Variants in DAB1 observed in about 807,000 individuals in gnomAD.
DAB1 encodes disabled homolog 1.
DAB1 carries 15 observed loss-of-function variants against 64.6 expected under a neutral mutation model. The observed-to-expected ratio is 0.23, with a 90% CI of 0.16 to 0.36. The LOEUF is 0.36. Among genes scored for constraint, DAB1 ranks in the 10% least tolerant of loss-of-function variants. The pLI, the probability that DAB1 is intolerant of heterozygous loss-of-function variation, is 1.00. For synonymous variants in DAB1, 235 were observed against 251.9 expected, an observed-to-expected ratio of 0.93 and a Z score of 0.64; for missense variants, 596 against 706.7, an observed-to-expected ratio of 0.84 and a Z score of 1.78.
intron 1 of DAB1, among the ~76,000 whole-genome samples, chr1:57,848,250 A>C (rs1187905990): frequency 6.6e-6 from 1 of 152,240 alleles, no homozygotes; most frequent in Admixed American, 6.5e-5. Context: ...TTCCGAACAC[A>C]ATGTAGTGAA....
Position 57,183,992 on chromosome 1 carries a change from CAG to C in DAB1, c.68-38565_68-38564del, listed in dbSNP as rs920599160. Among the ~76,000 whole-genome samples, 119 of 152,174 alleles carry C rather than the reference CAG, an allele frequency of 7.8e-4. 1 individual carries two copies. The highest frequency in any genetic ancestry group is 2.8e-3 in the African/African-American group (117 of 41,540). Reference sequence around the variant, plus strand: ...GTTGGGGAGGGGACTTAGCTAATAACAGATCAATTTTTCTAACTGGTGAGCTA... The same window carrying C: ...GTTGGGGAGGGGACTTAGCTAATAACATCAATTTTTCTAACTGGTGAGCTA... On this transcript the variant is annotated intron_variant, in intron 2 of 14. Coordinates refer to ENST00000371236, the MANE Select transcript of DAB1 (RefSeq NM_001365792.1).
chr1:58,227,780 C>T (rs186691396), intron 4 of DAB1, among the ~76,000 whole-genome samples: 4 of 152,314 alleles, frequency 2.6e-5, no homozygotes, highest in Admixed American at 2.0e-4. Flanking sequence ...CACTGTTTCT[C>T]CCCCTTCTCT....
chr1:57,540,982 G>A (rs1395322153), intron 7 of DAB1, among the ~76,000 whole-genome samples: 3 of 152,116 alleles, frequency 2.0e-5, no homozygotes, highest in Non-Finnish European at 4.4e-5. Flanking sequence ...GATTCAGAAT[G>A]TTCCAACACA....
chr1:58,139,589 C>T (rs982995986), intron 5 of DAB1, among the ~76,000 whole-genome samples: 1 of 151,384 alleles, frequency 6.6e-6, no homozygotes, highest in Non-Finnish European at 1.5e-5. Flanking sequence ...AGGATCCTCC[C>T]ATGACAAGAG....
intron 7 of DAB1, among the ~76,000 whole-genome samples, chr1:57,529,453 C>T (rs1644635533): frequency 6.6e-6 from 1 of 151,958 alleles, no homozygotes; most frequent in Non-Finnish European, 1.5e-5. Flanking sequence ...GATAGTGGGA[C>T]AAGACTTAAC....
At chr1:58,535,215 A>G (rs1190194784) in intron 1 of DAB1, among the ~76,000 whole-genome samples, 1 of 152,160 alleles carries the variant, frequency 6.6e-6, no homozygotes, top group Non-Finnish European at 1.5e-5. Context: ...CTGAAGTTAT[A>G]TTCATGAGAG....
intron 1 of DAB1, among the ~76,000 whole-genome samples, chr1:57,380,565 A>G (rs1015988979): frequency 2.0e-5 from 3 of 152,242 alleles, no homozygotes; most frequent in African/African-American, 7.2e-5. Flanking sequence ...GATGGTGATG[A>G]TAATGATAAT....
chr1:58,219,421 C>T (rs1236362229), intron 4 of DAB1, among the ~76,000 whole-genome samples: 2 of 152,166 alleles, frequency 1.3e-5, no homozygotes, highest in African/African-American at 4.8e-5. Context: ...TGGTTAGCAT[C>T]CTGCAAAGGC....
intron 9 of DAB1, among the ~76,000 whole-genome samples, chr1:57,041,555 A>G (rs1478757179): frequency 1.3e-5 from 2 of 152,194 alleles, no homozygotes; most frequent in African/African-American, 4.8e-5. Flanking sequence ...ATGGAATTAG[A>G]CTCGATTACT....
chr1:58,064,491 A>G (rs1472275702), intron 5 of DAB1, among the ~76,000 whole-genome samples: 2 of 152,062 alleles, frequency 1.3e-5, no homozygotes, highest in African/African-American at 2.4e-5. Context: ...GAGTGCTCAG[A>G]ATAAAGGCAG....
chr1:58,191,376 A>G (rs1479779193), intron 4 of DAB1, among the ~76,000 whole-genome samples: 2 of 152,210 alleles, frequency 1.3e-5, no homozygotes, highest in African/African-American at 2.4e-5. Flanking sequence ...TTTTTAAAGC[A>G]GTGGAACATT....
chr1:57,907,900 T>TTA (rs936923685), intron 5 of DAB1, among the ~76,000 whole-genome samples: 2 of 143,718 alleles, frequency 1.4e-5, no homozygotes, highest in Admixed American at 7.2e-5. Flanking sequence ...AATAACATTG[T>TTA]TATATATATA....
intron 7 of DAB1, among the ~76,000 whole-genome samples, chr1:57,510,024 A>G (rs1271130499): frequency 6.6e-6 from 1 of 152,242 alleles, no homozygotes; most frequent in Non-Finnish European, 1.5e-5. Flanking sequence ...AAGCAAGAAG[A>G]TACAGAAATG....
At chr1:57,921,168 T>C (rs1300724179) in intron 5 of DAB1, among the ~76,000 whole-genome samples, 1 of 152,156 alleles carries the variant, frequency 6.6e-6, no homozygotes, top group African/African-American at 2.4e-5. Context: ...CTTTAAGATA[T>C]ATTATTTAGT....
chr1:57,517,352 TTC>T (rs61372803), intron 7 of DAB1, among the ~76,000 whole-genome samples: 10,604 of 152,188 alleles, frequency 0.07, 1,150 homozygotes, highest in African/African-American at 0.23. Flanking sequence ...CATTATCCTT[TTC>T]TTTTTCTTCA....
At chr1:57,927,255 G>T (rs1197143589) in intron 5 of DAB1, among the ~76,000 whole-genome samples, 1 of 152,070 alleles carries the variant, frequency 6.6e-6, no homozygotes, top group African/African-American at 2.4e-5. Flanking sequence ...ATCTTCCCTG[G>T]GGAGTTTGAG....
rs148301881 is a variant in DAB1 at position 58,009,567 on chromosome 1, C to T, written n.388-125405G>A. Among the ~76,000 whole-genome samples the T allele has an allele frequency of 7.2e-3, 1,090 of 152,202 alleles. 20 individuals carry two copies. The highest frequency in any genetic ancestry group is 0.025 in the African/African-American group (1,032 of 41,530). On this transcript the variant is annotated intron_variant and non_coding_transcript_variant, in intron 5 of 20. Transcript: ENST00000485760. ...GCATGTAAAGATCTTTTGATAATAT[C>T]AAGTATTGTAAGAAAAAGGCTCTGC... is the stretch of plus-strand genomic sequence containing the variant.
chr1:57,770,445 T>A (rs1034554418), intron 6 of DAB1, among the ~76,000 whole-genome samples: 2 of 151,854 alleles, frequency 1.3e-5, no homozygotes, highest in Non-Finnish European at 2.9e-5. Flanking sequence ...TTTTTAATTT[T>A]TTTGTAGGGA....
intron 3 of DAB1, among the ~76,000 whole-genome samples, chr1:58,393,481 C>A (rs1644493494): frequency 6.6e-6 from 1 of 152,144 alleles, no homozygotes; most frequent in Admixed American, 6.5e-5. Flanking sequence ...ATTTATAACA[C>A]CGTTTTACAT....
Sources: allele counts gnomAD v4.1 joint callset (sites outside exome capture counted in the v4.1 genomes callset), GRCh38; gene constraint gnomAD v4.1.1; transcripts MANE v1.5; gene names NCBI Gene and HGNC (gene_info 2026-07-23, HGNC 2026-07-21).